Variants in TRAPPC10 observed in about 807,000 individuals in gnomAD.
TRAPPC10 encodes TRAPP 130 kDa subunit.
A neutral mutation model predicts 125.5 loss-of-function variants in TRAPPC10; 23 were observed. The observed-to-expected ratio is 0.18, with a 90% confidence interval of 0.13 to 0.26. TRAPPC10 has a LOEUF of 0.26. TRAPPC10 is among the 10% of genes least tolerant of loss of function. The pLI, the probability that TRAPPC10 is intolerant of heterozygous loss-of-function variation, is 1.00. For missense variants in TRAPPC10, 1,123 were observed against 1,308.4 expected, an observed-to-expected ratio of 0.86 and a Z score of 2.19; for synonymous variants, 509 against 518.0, an observed-to-expected ratio of 0.98 and a Z score of 0.24.
At chr21:44,038,584 A>C (rs2034169280) in intron 3 of TRAPPC10, among the ~76,000 whole-genome samples, 1 of 152,070 alleles carries the variant, frequency 6.6e-6, no homozygotes, top group African/African-American at 2.4e-5. Flanking sequence ...GTATTCATGA[A>C]TCCAGAAAGA....
intron 17 of TRAPPC10, 148 bp from the exon 18 acceptor site, chr21:44,089,685 G>T: frequency 1.5e-6 from 1 of 665,452 alleles, no homozygotes. Context: ...GTTGGGTAAG[G>T]CTTTGCTTCC....
chr21:44,031,410 G>T (rs1418257546), intron 1 of TRAPPC10, among the ~76,000 whole-genome samples: 2 of 152,204 alleles, frequency 1.3e-5, no homozygotes, highest in Non-Finnish European at 2.9e-5. Flanking sequence ...TTAAAGCAAA[G>T]ATAAAAGCTG....
chr21:44,053,563 A>G (rs2035370591), intron 4 of TRAPPC10, among the ~76,000 whole-genome samples: 3 of 152,264 alleles, frequency 2.0e-5, no homozygotes, highest in Admixed American at 1.3e-4. Context: ...TGTTGTGAGC[A>G]TCCTTAATTA....
Position 44,087,621 on chromosome 21 carries a change from G to C in TRAPPC10, c.2540-78G>C. 1 of 1,331,862 alleles carries C rather than the reference G, an allele frequency of 7.5e-7. No homozygotes were observed. The highest frequency in any genetic ancestry group is 1.2e-5 in the South Asian group (1 of 83,462). The allele number at this position is 1,331,862 out of a possible 1,614,324, so 82.5% of individuals were successfully genotyped here. A position where few individuals can be genotyped will look rare whatever the true frequency, so the allele number is the denominator to read the frequency against. ...AGGTTGAGCAGTGGCCTCACTGCTGGGCCATCACCTGCTGTAAGGAAAAGG... is the reference window on the plus strand; with the variant it reads ...AGGTTGAGCAGTGGCCTCACTGCTGCGCCATCACCTGCTGTAAGGAAAAGG... On this transcript the variant is annotated intron_variant, in intron 16 of 22. Transcript: ENST00000291574. This position sits in a 1 kb window ranked among gnomAD's most constrained non-coding sequence, Gnocchi z 4.6.
chr21:44,049,861 CTT>C (rs2035113330), intron 3 of TRAPPC10, among the ~76,000 whole-genome samples: 2 of 148,970 alleles, frequency 1.3e-5, no homozygotes, highest in Admixed American at 6.7e-5. Flanking sequence ...CCTGTAGTGA[CTT>C]TGTTTTCTTT....
intron 1 of TRAPPC10, among the ~76,000 whole-genome samples, chr21:44,016,891 G>A (rs1230848274): frequency 3.3e-5 from 5 of 152,124 alleles, no homozygotes; most frequent in African/African-American, 4.8e-5. Context: ...ATCTGACCTT[G>A]TGATCTGCCC....
At chr21:44,017,880 C>T (rs1325243408) in intron 1 of TRAPPC10, among the ~76,000 whole-genome samples, 1 of 152,120 alleles carries the variant, frequency 6.6e-6, no homozygotes, top group Non-Finnish European at 1.5e-5. Context: ...GGGGTTCCTA[C>T]ACCACAAGCA....
chr21:44,037,990 T>C, intron 3 of TRAPPC10, 63 bp downstream of exon 3: 2 of 1,577,486 alleles, frequency 1.3e-6, no homozygotes, highest in Middle Eastern at 2.2e-4. Flanking sequence ...TGGAGAGTGC[T>C]GTGTGAGTAC....
At chr21:44,014,267 A>C (rs984536095) in intron 1 of TRAPPC10, among the ~76,000 whole-genome samples, 4 of 152,110 alleles carry the variant, frequency 2.6e-5, no homozygotes, top group Non-Finnish European at 5.9e-5. Flanking sequence ...TTTAATGTTT[A>C]GTTTTGTACA....
chr21:44,028,513 G>A (rs1207231161), intron 1 of TRAPPC10, among the ~76,000 whole-genome samples: 1 of 152,128 alleles, frequency 6.6e-6, no homozygotes, highest in Non-Finnish European at 1.5e-5. Context: ...CAGACTTTAG[G>A]GATCCATGGC....
At position 44,091,676 on chromosome 21, in the gene TRAPPC10, A is replaced by C. The variant is rs140532550; in HGVS notation, c.2871-247A>C. 1.4e-3 allele frequency: 483 copies of C among 351,142 alleles called. 2 individuals are homozygous for C. The highest frequency in any genetic ancestry group is 9.8e-3 in the African/African-American group (460 of 46,938). The allele number at this position is 351,142 out of a possible 1,614,324, so 21.8% of individuals were successfully genotyped here. On this transcript the variant is annotated intron_variant, in intron 18 of 22. Transcript: ENST00000291574. ...GATGGTCTCAATCTCCTGACCTCAT[A>C]ATCTGCCCACCTCGGCCTCCCAAAG...
chr21:44,050,219 A>G (rs1272562148), intron 3 of TRAPPC10, among the ~76,000 whole-genome samples: 1 of 152,040 alleles, frequency 6.6e-6, no homozygotes, highest in Non-Finnish European at 1.5e-5. Context: ...GATCTTGCCA[A>G]CCGGTTTGCC....
At chr21:44,045,081 C>G (rs747758454) in intron 3 of TRAPPC10, among the ~76,000 whole-genome samples, 12 of 152,126 alleles carry the variant, frequency 7.9e-5, no homozygotes, top group African/African-American at 2.9e-4. Flanking sequence ...ATTACAGGTG[C>G]ACACCACCAC....
At position 44,091,966 on chromosome 21, in the gene TRAPPC10, T is replaced by G; in HGVS notation, c.2914T>G (p.Phe972Val). Reference sequence around the variant, plus strand: ...TGTCCAGAATTTGTCAGAACTTGACTTTCAGCTGTCAGATAGTTATCTTGT... The same window carrying G: ...TGTCCAGAATTTGTCAGAACTTGACGTTCAGCTGTCAGATAGTTATCTTGT... ...VCVQNLSELD[F>V]QLSDSYLVDT... The change falls in exon 19 of 23, where the codon TTT becomes GTT. Residue 972 changes from phenylalanine (F) to valine (V), a missense_variant. Transcript: ENST00000291574. 6.2e-7 allele frequency: 1 copy of G among 1,614,178 alleles called. No individual in the cohort carries two copies. The highest frequency in any genetic ancestry group is 8.5e-7 in the Non-Finnish European group (1 of 1,180,030).
chr21:44,080,175 A>G, intron 13 of TRAPPC10, 48 bp downstream of exon 13: 4 of 1,502,932 alleles, frequency 2.7e-6, no homozygotes, highest in African/African-American at 2.8e-5. Context: ...CAAATATTAC[A>G]GAAGTAAAAA....
intron 1 of TRAPPC10, among the ~76,000 whole-genome samples, chr21:44,016,378 T>C (rs1009225064): frequency 6.6e-6 from 1 of 152,224 alleles, no homozygotes; most frequent in Admixed American, 6.5e-5. Context: ...GATTTGTGGC[T>C]TTTCTTTGTT....
chr21:44,072,352 G>A (rs969166563), intron 7 of TRAPPC10, among the ~76,000 whole-genome samples: 6 of 152,276 alleles, frequency 3.9e-5, no homozygotes, highest in African/African-American at 1.2e-4. Context: ...CCTCTGCCGC[G>A]GCTCCGCTGC....
At chr21:44,048,108 C>T (rs1030631057) in intron 3 of TRAPPC10, among the ~76,000 whole-genome samples, 5 of 152,212 alleles carry the variant, frequency 3.3e-5, no homozygotes, top group Non-Finnish European at 5.9e-5. Flanking sequence ...TGCCTCTGAT[C>T]GTGTCTGCGG....
At chr21:44,053,802 C>T (rs2035384159) in intron 4 of TRAPPC10, among the ~76,000 whole-genome samples, 2 of 152,198 alleles carry the variant, frequency 1.3e-5, no homozygotes, top group African/African-American at 4.8e-5. Context: ...GATCACGCCG[C>T]TCTCCAGATT....
Sources: gnomAD v4.1 joint callset for allele counts (sites outside exome capture counted in the v4.1 genomes callset) on GRCh38, gnomAD v4.1.1 for gene constraint, Gnocchi (gnomAD v3.1) non-coding constraint, MANE v1.5 for transcripts, NCBI Gene and HGNC (gene_info 2026-07-23, HGNC 2026-07-21) for gene names.